GRID2IP: variants seen among roughly 807,000 people sequenced by gnomAD.
The protein encoded by GRID2IP is Grid2 interacting protein.
A neutral mutation model predicts 114.3 loss-of-function variants in GRID2IP; 78 were observed. The ratio of observed to expected loss-of-function variants is 0.68; its 90% CI spans 0.57 to 0.82. The LOEUF (loss-of-function observed/expected upper bound fraction) is 0.82. Ranked by LOEUF, GRID2IP falls within the 40% of genes least tolerant of loss-of-function variation. The pLI, the probability that GRID2IP is intolerant of heterozygous loss-of-function variation, is 0.00. For missense variants in GRID2IP, 1,727 were observed against 1,678.5 expected (o/e 1.03, Z -0.51); for synonymous variants, 809 against 724.0 (o/e 1.12, Z -1.89).
At chr7:6,529,886 C>T (rs1779583917) in intron 2 of GRID2IP, among the ~76,000 whole-genome samples, 1 of 151,968 alleles carries the variant, frequency 6.6e-6, no homozygotes, top group Non-Finnish European at 1.5e-5. Context: ...AGGTCTAAAT[C>T]CAACCCCAAG....
Position 6,503,680 on chromosome 7 carries a change from G to A in GRID2IP, c.2718C>T (p.Leu906=), listed in dbSNP as rs1416297975. The A allele has an allele frequency of 1.3e-6, 2 of 1,493,558 alleles. No individual in the cohort carries two copies. The highest frequency in any genetic ancestry group is 2.3e-5 in the Admixed American group (1 of 44,308). 92.5% of individuals were successfully genotyped at this position (1,493,558 alleles called of 1,614,324 possible). A position where few individuals can be genotyped will look rare whatever the true frequency, so the allele number is the denominator to read the frequency against. Reference sequence around the variant, plus strand: ...CGGGGCTCAGCTTCAGGTGTGCCAAGAGGATGGCTGCGGGCGGGGCGGGGC... The same window carrying A: ...CGGGGCTCAGCTTCAGGTGTGCCAAAAGGATGGCTGCGGGCGGGGCGGGGC... ...SHKKAYNTSI[L]LAHLKLSPAE... Residue 906 remains leucine (L), a synonymous_variant, in exon 16 of 22, where the codon CTC becomes CTT. Transcript: ENST00000457091.
intron 4 of GRID2IP, among the ~76,000 whole-genome samples, chr7:6,524,225 C>T (rs2115076573): frequency 6.6e-6 from 1 of 152,304 alleles, no homozygotes; most frequent in Admixed American, 6.5e-5. Context: ...CAGTCCCGGG[C>T]TGGGACTACA....
chr7:6,521,846 GC>G lies in GRID2IP; in HGVS notation c.989+41del. Reference sequence around the variant, plus strand: ...GGCAGGAGTCTTGCAGGGGGTGGGGGCAGCTCCTCACCAACCCCTGGTGTCC... The same window carrying G: ...GGCAGGAGTCTTGCAGGGGGTGGGGGAGCTCCTCACCAACCCCTGGTGTCC... On this transcript the variant is annotated intron_variant, in intron 5 of 21. Transcript: ENST00000457091. The surrounding 1 kb of genome is among the most constrained non-coding windows in gnomAD (Gnocchi z 4.1). 7.0e-7 allele frequency: 1 copy of G among 1,425,470 alleles called. No homozygotes were observed. Among genetic ancestry groups the G allele is most frequent in the East Asian group, 2.5e-5 (1 of 40,246 alleles). The allele number at this position is 1,425,470 out of a possible 1,614,324, so 88.3% of individuals were successfully genotyped here. A position where few individuals can be genotyped will look rare whatever the true frequency, so the allele number is the denominator to read the frequency against.
Position 6,526,572 on chromosome 7 carries a change from C to T in GRID2IP, c.782G>A (p.Arg261His). 8.3e-7 allele frequency: 1 copy of T among 1,203,914 alleles called. No individual in the cohort carries two copies. The highest frequency in any genetic ancestry group is 1.0e-6 in the Non-Finnish European group (1 of 970,916). 74.6% of individuals were successfully genotyped at this position (1,203,914 alleles called of 1,614,324 possible). The stretch of plus-strand genomic sequence containing the variant: ...GCCGCCCACCAGCAAGGAGGCCCTG[C>T]GCGGGGGCGGCTCATCGGGGCGGCG... ...PPRRPDEPPP[R>H]RASLLVGGLA... Residue 261 changes from arginine to histidine, a missense_variant, in exon 3 of 22, where the codon CGC (arginine) becomes CAC (histidine). Arg to His is a conservative substitution (Grantham distance 29). Transcript: ENST00000457091. The surrounding 1 kb of genome is among the most constrained non-coding windows in gnomAD (Gnocchi z 7.6).
rs769762311 is a variant in GRID2IP at position 6,502,104 on chromosome 7, C to T, written c.3165G>A (p.Lys1055=). 1 of 1,551,428 alleles carries T rather than the reference C, an allele frequency of 6.4e-7. No individual in the cohort carries two copies. Among genetic ancestry groups the T allele is most frequent in the South Asian group, 1.2e-5 (1 of 84,040 alleles). Residue 1055 remains lysine (K), a synonymous_variant, in exon 19 of 22, where the codon AAG becomes AAA. Coordinates refer to ENST00000457091, the MANE Select transcript of GRID2IP (RefSeq NM_001145118.2). ...INFLTELNST[K]TVDGKSTFLH... ...GGAAGGTGGACTTCCCATCCACTGT[C>T]TTGGTGGAGTTCAGCTGCAAGTGAC...
chr7:6,510,559 C>G, intron 10 of GRID2IP, 50 bp downstream of exon 10: 1 of 1,418,638 alleles, frequency 7.0e-7, no homozygotes, highest in South Asian at 1.3e-5. Flanking sequence ...TATGGACCGT[C>G]CATTCCCTGC....
chr7:6,514,377 G>A lies in GRID2IP; in HGVS notation c.1421C>T (p.Thr474Ile). 3 of 1,516,616 alleles carry A rather than the reference G, an allele frequency of 2.0e-6. No individual in the cohort carries two copies. Among genetic ancestry groups the A allele is most frequent in the Non-Finnish European group, 2.7e-6 (3 of 1,126,082 alleles). 93.9% of individuals were successfully genotyped at this position (1,516,616 alleles called of 1,614,324 possible). The stretch of plus-strand genomic sequence containing the variant: ...GTGGCAGGGGAGAGGACGCTTACCT[G>A]TCATGGCCGTGTAGCCCAGGAAGCA... The part of the protein sequence containing the change: ...IACFLGYTAM[T>I]AEPEPELDLE... The change falls in exon 8 of 22, where the codon ACA becomes ATA. Residue 474 changes from threonine to isoleucine, a missense_variant and splice_region_variant. Physicochemically the swap from Thr to Ile is moderately conservative, Grantham distance 89. Transcript: ENST00000457091.
rs1418906719 is a variant in GRID2IP, at chr7:6,508,792, G to T, written c.2127+166C>A. ...GCATGATAACCTTGAACAGGAGATAGGGTAACCTGGGGCAAGGGGTGGGAT... is the reference window on the plus strand; with the variant it reads ...GCATGATAACCTTGAACAGGAGATATGGTAACCTGGGGCAAGGGGTGGGAT... On this transcript the variant is annotated intron_variant, in intron 12 of 21. Transcript: ENST00000457091. This position sits in a 1 kb window ranked among gnomAD's most constrained non-coding sequence, Gnocchi z 5.6. Among the ~76,000 whole-genome samples, 1 of 152,108 alleles carries T rather than the reference G, an allele frequency of 6.6e-6. No individual in the cohort carries two copies. The highest frequency in any genetic ancestry group is 1.5e-5 in the Non-Finnish European group (1 of 68,006).
At position 6,503,447 on chromosome 7, in the gene GRID2IP, G is replaced by A. The variant is rs1487748776; in HGVS notation, c.2907+44C>T. 7 of 1,469,608 alleles carry A rather than the reference G, an allele frequency of 4.8e-6. No homozygotes were observed. The Admixed American group carries it at 9.6e-5, about 20-fold the overall frequency. 91.0% of individuals were successfully genotyped at this position (1,469,608 alleles called of 1,614,324 possible). ...AGCCCTGGCCACAGCGACAGCCCCT[G>A]TGGAGCCGGCCGAGGCCTCGGGGCG... On this transcript the variant is annotated intron_variant, in intron 16 of 21. Transcript: ENST00000457091.
intron 20 of GRID2IP, among the ~76,000 whole-genome samples, chr7:6,499,596 A>T (rs563511177): frequency 1.3e-5 from 2 of 150,462 alleles, no homozygotes; most frequent in East Asian, 3.9e-4. Flanking sequence ...ATACCTGGCT[A>T]ATTTTTGTAT....
At position 6,507,905 on chromosome 7, in the gene GRID2IP, G is replaced by C. The variant is rs1786641091; in HGVS notation, c.2544+80C>G. ...GGAGGATGATGTTGGAAGATGCCTG[G>C]CCGATGGGTTTTCCTTCAGTGCTGC... On this transcript the variant is annotated intron_variant, in intron 13 of 21. Coordinates refer to ENST00000457091, the MANE Select transcript of GRID2IP (RefSeq NM_001145118.2). This position sits in a 1 kb window ranked among gnomAD's most constrained non-coding sequence, Gnocchi z 5.3. 6.6e-7 allele frequency: 1 copy of C among 1,515,964 alleles called. No homozygotes were observed. Among genetic ancestry groups the C allele is most frequent in the African/African-American group, 1.4e-5 (1 of 72,312 alleles). 93.9% of individuals were successfully genotyped at this position (1,515,964 alleles called of 1,614,324 possible).
At chr7:6,546,067 C>T (rs751269769) in intron 1 of GRID2IP, among the ~76,000 whole-genome samples, 24 of 151,886 alleles carry the variant, frequency 1.6e-4, no homozygotes, top group Admixed American at 7.9e-4. Flanking sequence ...GGTATCATCA[C>T]GGGACACTAA....
In GRID2IP at chr7:6,536,699, C is replaced by T; in HGVS notation, c.584+3019G>A. The T allele has an allele frequency of 3.0e-6, 2 of 671,118 alleles. No individual in the cohort carries two copies. The highest frequency in any genetic ancestry group is 5.5e-6 in the Non-Finnish European group (2 of 364,852). The allele number at this position is 671,118 out of a possible 1,614,324, so 41.6% of individuals were successfully genotyped here. A position where few individuals can be genotyped will look rare whatever the true frequency, so the allele number is the denominator to read the frequency against. ...GGGGAGGGGCGGGACGGGGGGCTGC[C>T]TGTCAATCAGCTCCCCAGGAAGCGC... On this transcript the variant is annotated intron_variant, in intron 2 of 21. Transcript: ENST00000457091. The surrounding 1 kb of genome is among the most constrained non-coding windows in gnomAD (Gnocchi z 5.3).
intron 1 of GRID2IP, 30 bp downstream of exon 1, chr7:6,550,978 C>CAGA: frequency 1.2e-6 from 1 of 862,328 alleles, no homozygotes; most frequent in East Asian, 4.0e-5. Context: ...CCCCTCCTTC[C>CAGA]CGCCCCCACC....
In GRID2IP at chr7:6,526,592, G is replaced by A; in HGVS notation, c.762C>T (p.Arg254=). The A allele has an allele frequency of 2.5e-6, 3 of 1,192,376 alleles. No homozygotes were observed. The highest frequency in any genetic ancestry group is 4.1e-5 in the South Asian group (1 of 24,178). The allele number at this position is 1,192,376 out of a possible 1,614,324, so 73.9% of individuals were successfully genotyped here. Residue 254 remains arginine (R), a synonymous_variant, in exon 3 of 22, where the codon CGC becomes CGT. Transcript: ENST00000457091. The surrounding 1 kb of genome is among the most constrained non-coding windows in gnomAD (Gnocchi z 7.6). ...CCCTGCGCGGGGGCGGCTCATCGGG[G>A]CGGCGCGGCGGGGCGCTGGCGCGCG... ...VSTRASAPPR[R]PDEPPPRRAS...
chr7:6,544,239 A>G (rs1051892997), intron 1 of GRID2IP, among the ~76,000 whole-genome samples: 1 of 152,002 alleles, frequency 6.6e-6, no homozygotes, highest in Non-Finnish European at 1.5e-5. Context: ...TCATAGGCCC[A>G]TGATCAATGA....
At position 6,526,375 on chromosome 7, in the gene GRID2IP, T is replaced by C; in HGVS notation, c.834-66A>G. 3 of 1,500,544 alleles carry C rather than the reference T, an allele frequency of 2.0e-6. No homozygotes were observed. Among genetic ancestry groups the C allele is most frequent in the Non-Finnish European group, 2.7e-6 (3 of 1,104,262 alleles). The allele number at this position is 1,500,544 out of a possible 1,614,324, so 93.0% of individuals were successfully genotyped here. ...GGCCCTGGGGCGCAGAGGTTGGAGA[T>C]GTCCCGTGTCCCTCTCCCCTTAACC... is the stretch of plus-strand genomic sequence containing the variant. On this transcript the variant is annotated intron_variant, in intron 3 of 21. Transcript: ENST00000457091. The surrounding 1 kb of genome is among the most constrained non-coding windows in gnomAD (Gnocchi z 7.6).
chr7:6,531,331 A>C (rs1301258589), intron 2 of GRID2IP: 1 of 389,050 alleles, frequency 2.6e-6, no homozygotes, highest in Non-Finnish European at 4.5e-6. Context: ...TCTGGGGTGC[A>C]GCGGAAACTG....
In GRID2IP at chr7:6,526,636, C is replaced by G. The variant is rs766978515; in HGVS notation, c.718G>C (p.Glu240Gln). Residue 240 changes from glutamate (E) to glutamine (Q), a missense_variant, in exon 3 of 22, where the codon GAG becomes CAG. Physicochemically the swap from Glu to Gln is conservative, Grantham distance 29. Transcript: ENST00000457091. The surrounding 1 kb of genome is among the most constrained non-coding windows in gnomAD (Gnocchi z 7.6). ...LRRSRSEERP[E>Q]RLLVSTRASA... ...GCGCGCGTGGACACCAGGAGGCGCT[C>G]CGGCCGCTCCTCGCTGCGGCTCCGG... The G allele has an allele frequency of 4.1e-5, 55 of 1,353,798 alleles. No homozygotes were observed. The highest frequency in any genetic ancestry group is 2.8e-4 in the South Asian group (17 of 61,732). The allele number at this position is 1,353,798 out of a possible 1,614,324, so 83.9% of individuals were successfully genotyped here.
Sources: allele counts gnomAD v4.1 joint callset (sites outside exome capture counted in the v4.1 genomes callset), GRCh38; gene constraint gnomAD v4.1.1; non-coding constraint Gnocchi (gnomAD v3.1); transcripts MANE v1.5; gene names NCBI Gene and HGNC (gene_info 2026-07-23, HGNC 2026-07-21).